The following ERBB4 variants were observed in gnomAD, a reference collection of about 807,000 sequenced individuals.
The protein encoded by ERBB4 is receptor tyrosine-protein kinase erbB-4.
In ERBB4, 42 loss-of-function variants were observed where a neutral mutation model predicts 158.0. The ratio of observed to expected loss-of-function variants is 0.27; its 90% CI spans 0.21 to 0.34. The LOEUF (loss-of-function observed/expected upper bound fraction) is 0.34. Ranked by LOEUF, ERBB4 falls within the 10% of genes least tolerant of loss-of-function variation. ERBB4 has a pLI of 1.00. For missense variants in ERBB4, 1,333 were observed against 1,624.1 expected (o/e 0.82, Z 3.08); for synonymous variants, 583 against 558.7 (o/e 1.04, Z -0.61).
chr2:212,431,941 C>T (rs2092039136), intron 1 of ERBB4, among the ~76,000 whole-genome samples: 1 of 152,154 alleles, frequency 6.6e-6, no homozygotes, highest in Non-Finnish European at 1.5e-5. Flanking sequence ...TACTTATAGT[C>T]TAGGCTTCCA....
Position 211,623,795 on chromosome 2 carries a change from T to C in ERBB4, c.2202+127A>G. 3 of 890,420 alleles carry C rather than the reference T, an allele frequency of 3.4e-6. No individual in the cohort carries two copies. The South Asian group carries it at 4.9e-5, about 15-fold the overall frequency. 55.2% of individuals were successfully genotyped at this position (890,420 alleles called of 1,614,324 possible). A position where few individuals can be genotyped will look rare whatever the true frequency, so the allele number is the denominator to read the frequency against. On this transcript the variant is annotated intron_variant, in intron 18 of 27. Transcript: ENST00000342788. Reference sequence around the variant, plus strand: ...CATTTGTGCAGCAACTTCTCAATATTATAAAAGTCTTCCTTTCTGAATATT... The same window carrying C: ...CATTTGTGCAGCAACTTCTCAATATCATAAAAGTCTTCCTTTCTGAATATT...
At chr2:211,571,174 C>G (rs1055552646) in intron 19 of ERBB4, among the ~76,000 whole-genome samples, 6 of 151,480 alleles carry the variant, frequency 4.0e-5, no homozygotes, top group Non-Finnish European at 8.8e-5. Context: ...TCCTGAGTAG[C>G]TGGGACTACA....
At chr2:211,956,336 T>C (rs73079342) in intron 2 of ERBB4, among the ~76,000 whole-genome samples, 3 of 152,130 alleles carry the variant, frequency 2.0e-5, no homozygotes, top group Admixed American at 1.3e-4. Context: ...AAAGAAATTA[T>C]TAGTTTTCGG....
At chr2:211,715,331 G>C (rs1170680791) in intron 7 of ERBB4, among the ~76,000 whole-genome samples, 2 of 152,180 alleles carry the variant, frequency 1.3e-5, no homozygotes, top group Non-Finnish European at 2.9e-5. Flanking sequence ...ACTTTGTTGA[G>C]ATGATATCAA....
intron 2 of ERBB4, among the ~76,000 whole-genome samples, chr2:211,959,831 C>G (rs1469459999): frequency 6.6e-6 from 1 of 152,064 alleles, no homozygotes; most frequent in Non-Finnish European, 1.5e-5. Context: ...AAAACATGAC[C>G]TGGCCCCTTA....
chr2:211,459,504 T>C (rs914681821), intron 20 of ERBB4, among the ~76,000 whole-genome samples: 1 of 152,166 alleles, frequency 6.6e-6, no homozygotes, highest in South Asian at 2.1e-4. Flanking sequence ...ATAATTCCCA[T>C]GTCTTGTGGG....
chr2:212,016,258 G>A (rs1237687677), intron 2 of ERBB4, among the ~76,000 whole-genome samples: 1 of 151,686 alleles, frequency 6.6e-6, no homozygotes, highest in East Asian at 1.9e-4. Flanking sequence ...TTCAGCATAG[G>A]AAAAGCTCAA....
intron 3 of ERBB4, among the ~76,000 whole-genome samples, chr2:211,829,928 G>T (rs1017600112): frequency 2.0e-5 from 3 of 152,122 alleles, no homozygotes; most frequent in Non-Finnish European, 4.4e-5. Context: ...TCAGCAAATA[G>T]TAACAAGTAT....
intron 1 of ERBB4, among the ~76,000 whole-genome samples, chr2:212,508,670 T>C (rs1691332017): frequency 2.0e-5 from 3 of 152,124 alleles, no homozygotes. Context: ...GGCATCTAAA[T>C]ATATATCTTC....
At chr2:212,153,232 T>C (rs1184510729) in intron 1 of ERBB4, among the ~76,000 whole-genome samples, 3 of 152,180 alleles carry the variant, frequency 2.0e-5, no homozygotes, top group Non-Finnish European at 4.4e-5. Flanking sequence ...AAATACCAAT[T>C]TTTTCTCATC....
At chr2:211,866,017 T>C (rs1303165165) in intron 3 of ERBB4, among the ~76,000 whole-genome samples, 1 of 152,148 alleles carries the variant, frequency 6.6e-6, no homozygotes, top group Non-Finnish European at 1.5e-5. Flanking sequence ...TATACACTTA[T>C]ACTGTGACCT....
At chr2:212,126,407 C>A (rs956815946) in intron 1 of ERBB4, among the ~76,000 whole-genome samples, 15 of 142,410 alleles carry the variant, frequency 1.1e-4, no homozygotes, top group South Asian at 2.2e-4. Flanking sequence ...TTGCAGTGAG[C>A]CAAGATCATG....
chr2:212,471,154 G>T (rs369444939), intron 1 of ERBB4, among the ~76,000 whole-genome samples: 2 of 152,130 alleles, frequency 1.3e-5, no homozygotes, highest in East Asian at 1.9e-4. Context: ...AAATATGATT[G>T]AAGTGGTGCC....
At chr2:212,007,331 A>T (rs2076282208) in intron 2 of ERBB4, among the ~76,000 whole-genome samples, 1 of 151,840 alleles carries the variant, frequency 6.6e-6, no homozygotes, top group African/African-American at 2.4e-5. Context: ...TATCAAAAAT[A>T]TCAAAGGACT....
intron 5 of ERBB4, among the ~76,000 whole-genome samples, chr2:211,728,549 C>G (rs1337503253): frequency 2.6e-5 from 4 of 151,808 alleles, no homozygotes; most frequent in African/African-American, 9.7e-5. Flanking sequence ...AATTCAAACA[C>G]AATTCTTCTC....
At chr2:212,071,026 G>A (rs577256138) in intron 2 of ERBB4, among the ~76,000 whole-genome samples, 64 of 151,760 alleles carry the variant, frequency 4.2e-4, no homozygotes, top group Middle Eastern at 3.4e-3. Context: ...ATTCAGTATC[G>A]TAATTTGACT....
In ERBB4 at chr2:212,413,278, G is replaced by A. The variant is rs575087538; in HGVS notation, c.82+125171C>T. Among the ~76,000 whole-genome samples, 9 of 150,518 alleles carry A rather than the reference G, an allele frequency of 6.0e-5. No individual in the cohort carries two copies. In the South Asian group the frequency reaches 8.5e-4, roughly 14 times the overall value. On this transcript the variant is annotated intron_variant, in intron 1 of 27. Coordinates refer to ENST00000342788, the MANE Select transcript of ERBB4 (RefSeq NM_005235.3). ...TGGGATTACAGGCACGAGCCACCCC[G>A]CCCAGCCTATGTAGAGTATTTTTAC...
At chr2:212,096,504 T>C (rs2078938026) in intron 2 of ERBB4, among the ~76,000 whole-genome samples, 1 of 152,124 alleles carries the variant, frequency 6.6e-6, no homozygotes, top group Admixed American at 6.5e-5. Context: ...TAAAGGACCG[T>C]TTTGTTCTTC....
At chr2:212,483,174 T>C (rs572271397) in intron 1 of ERBB4, among the ~76,000 whole-genome samples, 1 of 152,326 alleles carries the variant, frequency 6.6e-6, no homozygotes, top group South Asian at 2.1e-4. Flanking sequence ...TACCATCTGC[T>C]GAGCTTCTAT....
Sources: allele counts gnomAD v4.1 joint callset (sites outside exome capture counted in the v4.1 genomes callset), GRCh38; gene constraint gnomAD v4.1.1; transcripts MANE v1.5; gene names NCBI Gene and HGNC (gene_info 2026-07-23, HGNC 2026-07-21).